The following COL23A1 variants were observed in gnomAD, a reference collection of about 807,000 sequenced individuals.
The protein encoded by COL23A1 is collagen alpha-1(XXIII) chain.
In COL23A1, 97 loss-of-function variants were observed where a neutral mutation model predicts 99.3. The observed-to-expected ratio is 0.98, with a 90% CI of 0.83 to 1.16. The LOEUF (loss-of-function observed/expected upper bound fraction) is 1.16. COL23A1 is among the 50% of genes most tolerant of loss of function. The pLI is 0.00. For synonymous variants in COL23A1, 320 were observed against 308.2 expected, an observed-to-expected ratio of 1.04 and a Z score of -0.40; for missense variants, 762 against 757.4, an observed-to-expected ratio of 1.01 and a Z score of -0.07.
In COL23A1 at chr5:178,322,421, A is replaced by C. The variant is rs1015605404; in HGVS notation, c.362-15502T>G. 3.3e-5 allele frequency among the ~76,000 whole-genome samples: 5 copies of C among 152,322 alleles called. 1 individual carries two copies. The highest frequency in any genetic ancestry group is 3.3e-4 in the Admixed American group (5 of 15,302). On this transcript the variant is annotated intron_variant, in intron 2 of 28. Transcript: ENST00000390654. ...AAGTGTTGGTGGCATGAGCCGCTGCATGTGGCCTCAAAAGATCATTTTCAT... is the reference window on the plus strand; with the variant it reads ...AAGTGTTGGTGGCATGAGCCGCTGCCTGTGGCCTCAAAAGATCATTTTCAT...
chr5:178,332,326 G>A (rs1445440702), intron 2 of COL23A1, among the ~76,000 whole-genome samples: 8 of 152,170 alleles, frequency 5.3e-5, no homozygotes, highest in Admixed American at 5.2e-4. Context: ...CCCATCAGAG[G>A]TGTCTCAGTG....
At chr5:178,368,554 G>A in intron 2 of COL23A1, among the ~76,000 whole-genome samples, 1 of 152,168 alleles carries the variant, frequency 6.6e-6, no homozygotes, top group Non-Finnish European at 1.5e-5. Flanking sequence ...ATCACACGGA[G>A]TAGTTCCACT....
At chr5:178,512,383 C>T (rs1759254278) in intron 2 of COL23A1, among the ~76,000 whole-genome samples, 1 of 152,128 alleles carries the variant, frequency 6.6e-6, no homozygotes, top group South Asian at 2.1e-4. Context: ...CTGTGGTATC[C>T]AATTTGAGAA....
chr5:178,265,678 G>C, intron 8 of COL23A1: 4 of 985,888 alleles, frequency 4.1e-6, no homozygotes, highest in Non-Finnish European at 4.8e-6. Flanking sequence ...CGATTGTACA[G>C]GTGATGGTCT....
rs567224435 is a variant in COL23A1 at position 178,349,121 on chromosome 5, G to A, written c.362-42202C>T. 6.6e-5 allele frequency among the ~76,000 whole-genome samples: 10 copies of A among 152,326 alleles called. No homozygotes were observed. In the East Asian group the frequency reaches 1.7e-3, roughly 26 times the overall value. ...CAAATTCTCAGCACAGCGAGAACTC[G>A]GATGATTGATGCGGAGAAAAACATT... On this transcript the variant is annotated intron_variant, in intron 2 of 28. Transcript: ENST00000390654.
At chr5:178,498,742 C>A (rs1232693390) in intron 2 of COL23A1, among the ~76,000 whole-genome samples, 1 of 152,060 alleles carries the variant, frequency 6.6e-6, no homozygotes, top group Non-Finnish European at 1.5e-5. Context: ...AAAAATCCAA[C>A]TATGTACTGT....
At chr5:178,529,304 G>A (rs1473176967) in intron 2 of COL23A1, among the ~76,000 whole-genome samples, 1 of 152,172 alleles carries the variant, frequency 6.6e-6, no homozygotes, top group Non-Finnish European at 1.5e-5. Context: ...TGTCCAGTTG[G>A]CCCAGACAAA....
chr5:178,277,393 A>G (rs903955126), intron 5 of COL23A1, among the ~76,000 whole-genome samples: 3 of 152,194 alleles, frequency 2.0e-5, no homozygotes, highest in Non-Finnish European at 4.4e-5. Flanking sequence ...AAGAACCCCA[A>G]ACCAAATGAA....
intron 2 of COL23A1, among the ~76,000 whole-genome samples, chr5:178,535,328 C>T (rs779671385): frequency 5.0e-4 from 76 of 152,192 alleles, no homozygotes; most frequent in Non-Finnish European, 8.8e-4. Flanking sequence ...GCTCTCAGAG[C>T]CCTGGCTTCC....
At chr5:178,283,382 G>A (rs1366322142) in intron 5 of COL23A1, among the ~76,000 whole-genome samples, 2 of 152,118 alleles carry the variant, frequency 1.3e-5, no homozygotes, top group Non-Finnish European at 2.9e-5. Flanking sequence ...TTCATGACCT[G>A]TGCACTTGCT....
At chr5:178,587,911 A>C (rs1433121238) in intron 1 of COL23A1, among the ~76,000 whole-genome samples, 1 of 152,160 alleles carries the variant, frequency 6.6e-6, no homozygotes, top group African/African-American at 2.4e-5. Context: ...GGCCACCCAA[A>C]CAACCAGAAG....
At chr5:178,361,694 A>G (rs1762183456) in intron 2 of COL23A1, among the ~76,000 whole-genome samples, 2 of 151,944 alleles carry the variant, frequency 1.3e-5, no homozygotes, top group Non-Finnish European at 2.9e-5. Flanking sequence ...ACGGCTCCCA[A>G]TTCTTCTCCT....
At chr5:178,489,537 C>T (rs964761968) in intron 2 of COL23A1, among the ~76,000 whole-genome samples, 7 of 149,002 alleles carry the variant, frequency 4.7e-5, no homozygotes, top group African/African-American at 1.7e-4. Context: ...TTGGCTCAGT[C>T]CCTCTGGAGC....
At chr5:178,362,607 C>T (rs1762232714) in intron 2 of COL23A1, among the ~76,000 whole-genome samples, 1 of 152,224 alleles carries the variant, frequency 6.6e-6, no homozygotes, top group African/African-American at 2.4e-5. Context: ...CGGGCACACC[C>T]TCATTTTTCT....
intron 2 of COL23A1, among the ~76,000 whole-genome samples, chr5:178,539,545 C>CAAAAAAAAAAAAAAAAAAAAAAAAAAA (rs58424731): frequency 1.3e-5 from 1 of 78,386 alleles, no homozygotes; most frequent in Non-Finnish European, 2.3e-5. Flanking sequence ...GACTCTGTCT[C>CAAAAAAAAAAAAAAAAAAAAAAAAAAA]AAAAAAAAAA....
chr5:178,576,114 T>A (rs150043308), intron 1 of COL23A1, among the ~76,000 whole-genome samples: 68 of 152,236 alleles, frequency 4.5e-4, no homozygotes, highest in African/African-American at 1.6e-3. Context: ...TGCTGGGAGC[T>A]CCAACTTACA....
intron 2 of COL23A1, among the ~76,000 whole-genome samples, chr5:178,407,821 G>C (rs1581328707): frequency 1.3e-5 from 2 of 152,136 alleles, no homozygotes; most frequent in Admixed American, 1.3e-4. Flanking sequence ...AAAAGGAACA[G>C]AGCCGCAGGG....
In COL23A1 at chr5:178,255,047, A is replaced by G. The variant is rs1298074233; in HGVS notation, c.883-21T>C. On this transcript the variant is annotated intron_variant, in intron 15 of 28. Coordinates refer to ENST00000390654, the MANE Select transcript of COL23A1 (RefSeq NM_173465.4). This position sits in a 1 kb window ranked among gnomAD's most constrained non-coding sequence, Gnocchi z 4.2. ...GCACCCTGAGGCAGGAAGAAGAGTA[A>G]GAATTTCAGGGAAGAGCTACACTGA... is the stretch of plus-strand genomic sequence containing the variant. 1 of 1,603,716 alleles carries G rather than the reference A, an allele frequency of 6.2e-7. No individual in the cohort carries two copies. The highest frequency in any genetic ancestry group is 2.2e-5 in the East Asian group (1 of 44,802).
intron 2 of COL23A1, among the ~76,000 whole-genome samples, chr5:178,467,882 C>G (rs960100553): frequency 6.6e-6 from 1 of 152,122 alleles, no homozygotes; most frequent in African/African-American, 2.4e-5. Flanking sequence ...GGCTGGAGTC[C>G]GAGGCCTGCC....
Sources: gnomAD v4.1 joint callset for allele counts (sites outside exome capture counted in the v4.1 genomes callset) on GRCh38, gnomAD v4.1.1 for gene constraint, Gnocchi (gnomAD v3.1) non-coding constraint, MANE v1.5 for transcripts, NCBI Gene and HGNC (gene_info 2026-07-23, HGNC 2026-07-21) for gene names.